Variants in CCDC12 observed in about 807,000 individuals in gnomAD.
CCDC12 encodes the protein coiled-coil domain containing 12.
CCDC12 carries 28 observed loss-of-function variants against 25.7 expected under a neutral mutation model. The observed-to-expected ratio is 1.09, with a 90% CI of 0.81 to 1.50. The LOEUF (loss-of-function observed/expected upper bound fraction) is 1.50. CCDC12 is among the 40% of genes most tolerant of loss of function. CCDC12 has a pLI of 0.00. For missense variants in CCDC12, 198 were observed against 210.0 expected (o/e 0.94, Z 0.35); for synonymous variants, 75 against 87.7 (o/e 0.86, Z 0.81).
rs189369713 is a variant in CCDC12 at position 46,949,057 on chromosome 3, G to T, written c.97-7992C>A. ...CGGTGCACAGATTCCAGAGGTCAAT[G>T]ACCAGACAGAAACACAGGCGAGTGT... On this transcript the variant is annotated intron_variant, in intron 1 of 6. Coordinates refer to ENST00000683445, the MANE Select transcript of CCDC12 (RefSeq NM_001277074.2). 8.3e-3 allele frequency among the ~76,000 whole-genome samples: 1,258 copies of T among 152,306 alleles called. 8 individuals carry two copies. Among genetic ancestry groups the T allele is most frequent in the Non-Finnish European group, 0.013 (889 of 68,008 alleles).
intron 1 of CCDC12, among the ~76,000 whole-genome samples, chr3:46,956,584 G>A (rs1008793234): frequency 1.3e-5 from 2 of 152,228 alleles, no homozygotes; most frequent in African/African-American, 4.8e-5. Context: ...CACTTTGGGA[G>A]GTTGAGACAG....
intron 1 of CCDC12, among the ~76,000 whole-genome samples, chr3:46,959,795 C>T (rs142859756): frequency 3.9e-5 from 6 of 152,196 alleles, no homozygotes; most frequent in African/African-American, 1.4e-4. Context: ...TCCTGCCCCT[C>T]CTCTGCCTAA....
At chr3:46,967,570 C>T (rs2107193548) in intron 1 of CCDC12, among the ~76,000 whole-genome samples, 1 of 152,306 alleles carries the variant, frequency 6.6e-6, no homozygotes, top group Admixed American at 6.5e-5. Context: ...GCCTGGGCAG[C>T]TGCACAGCCT....
chr3:46,957,667 G>A (rs1044785379), intron 1 of CCDC12, among the ~76,000 whole-genome samples: 26 of 152,100 alleles, frequency 1.7e-4, no homozygotes, highest in African/African-American at 4.6e-4. Flanking sequence ...TAGCCAGGGC[G>A]GCGGTGGCTC....
intron 2 of CCDC12, among the ~76,000 whole-genome samples, chr3:46,929,268 A>C (rs1173276557): frequency 6.6e-6 from 1 of 152,258 alleles, no homozygotes; most frequent in Non-Finnish European, 1.5e-5. Context: ...ACAGAGGAAG[A>C]AAGTGGAATA....
At chr3:46,975,663 T>C (rs1389634081) in intron 1 of CCDC12, among the ~76,000 whole-genome samples, 1 of 150,660 alleles carries the variant, frequency 6.6e-6, no homozygotes, top group Non-Finnish European at 1.5e-5. Flanking sequence ...CCCAAGTAGC[T>C]GGGACCACAG....
intron 2 of CCDC12, among the ~76,000 whole-genome samples, chr3:46,939,658 G>A (rs184992352): frequency 1.1e-4 from 17 of 152,176 alleles, no homozygotes; most frequent in Admixed American, 4.6e-4. Context: ...GCCCAGTGCC[G>A]GCAGACCCAC....
At chr3:46,974,123 C>T (rs982019443) in intron 1 of CCDC12, among the ~76,000 whole-genome samples, 4 of 152,136 alleles carry the variant, frequency 2.6e-5, no homozygotes, top group African/African-American at 9.7e-5. Context: ...GATTTGATTA[C>T]ATGAGGTACC....
At chr3:46,951,798 A>AAAAAAAAAAAATATCCCATATATATATAT in intron 1 of CCDC12, among the ~76,000 whole-genome samples, 1 of 8,468 alleles carries the variant, frequency 1.2e-4, no homozygotes, top group African/African-American at 2.5e-4. Context: ...AAAAAAAAAA[A>AAAAAAAAAAAATATCCCATATATATATAT]ATATATATAT....
At chr3:46,969,993 C>G (rs1260241879) in intron 1 of CCDC12, among the ~76,000 whole-genome samples, 1 of 150,998 alleles carries the variant, frequency 6.6e-6, no homozygotes, top group Non-Finnish European at 1.5e-5. Context: ...ACCTCTGCCC[C>G]TACCAGGCTG....
chr3:46,964,966 TAAATAAAATA>T (rs932353572), intron 1 of CCDC12, among the ~76,000 whole-genome samples: 1 of 151,262 alleles, frequency 6.6e-6, no homozygotes. Context: ...TAAAATAAAA[TAAATAAAATA>T]AAATAAAATA....
At chr3:46,976,447 C>T in intron 1 of CCDC12, 190 bp downstream of exon 1, 1 of 1,423,878 alleles carries the variant, frequency 7.0e-7, no homozygotes, top group Non-Finnish European at 9.2e-7. Flanking sequence ...CGCACCAGCG[C>T]CAGAGGAGTC....
At chr3:46,946,738 C>A (rs1299049643) in intron 1 of CCDC12, among the ~76,000 whole-genome samples, 2 of 152,212 alleles carry the variant, frequency 1.3e-5, no homozygotes, top group Non-Finnish European at 2.9e-5. Context: ...CCTGCCCCAG[C>A]CTGCTGCTGT....
intron 1 of CCDC12, among the ~76,000 whole-genome samples, chr3:46,975,357 G>C (rs1373857795): frequency 6.6e-6 from 1 of 151,362 alleles, no homozygotes; most frequent in Admixed American, 6.6e-5. Flanking sequence ...GCTAATTTTT[G>C]TATTTTCAGT....
At chr3:46,950,037 A>G (rs1047005143) in intron 1 of CCDC12, among the ~76,000 whole-genome samples, 34 of 151,342 alleles carry the variant, frequency 2.2e-4, no homozygotes, top group Non-Finnish European at 4.1e-4. Context: ...AAAAAAAAAA[A>G]AAAAGAAAAG....
chr3:46,951,972 G>T (rs1220510882), intron 1 of CCDC12, among the ~76,000 whole-genome samples: 1 of 150,550 alleles, frequency 6.6e-6, no homozygotes, highest in Non-Finnish European at 1.5e-5. Flanking sequence ...AAACTCGGTG[G>T]GTGGGTTTCA....
intron 1 of CCDC12, among the ~76,000 whole-genome samples, chr3:46,957,325 C>T (rs1466763116): frequency 6.6e-6 from 1 of 152,166 alleles, no homozygotes; most frequent in Non-Finnish European, 1.5e-5. Context: ...TAGCAGTTTC[C>T]TCATTGAGCC....
upstream of CCDC12, chr3:46,979,635 G>C (rs1262944846): frequency 9.8e-6 from 3 of 306,720 alleles, no homozygotes; most frequent in African/African-American, 4.4e-5. Context: ...GGTGACTGCA[G>C]CGAAGTGCAG....
At position 46,922,317 on chromosome 3, in the gene CCDC12, A is replaced by G. The variant is rs754305268; in HGVS notation, c.342-5T>C. The G allele has an allele frequency of 1.6e-5, 26 of 1,614,140 alleles. No homozygotes were observed. Among genetic ancestry groups the G allele is most frequent in the Non-Finnish European group, 1.9e-5 (23 of 1,179,998 alleles). On this transcript the variant is annotated splice_polypyrimidine_tract_variant and splice_region_variant and intron_variant, in intron 5 of 6. Coordinates refer to ENST00000683445, the MANE Select transcript of CCDC12 (RefSeq NM_001277074.2). ...GCCACATCTCTCTTGAGGTCCCTGG[A>G]GCAGGGAGGCAGGGAGAAGCAGGAA... is the stretch of plus-strand genomic sequence containing the variant.
Sources: allele counts gnomAD v4.1 joint callset (sites outside exome capture counted in the v4.1 genomes callset), GRCh38; gene constraint gnomAD v4.1.1; transcripts MANE v1.5; gene names NCBI Gene and HGNC (gene_info 2026-07-23, HGNC 2026-07-21).